AIG1: variants seen among roughly 807,000 people sequenced by gnomAD.
AIG1 encodes the protein androgen induced 1, also known as androgen-induced gene 1 protein.
Under a neutral mutation model 31.4 loss-of-function variants are expected in AIG1, and 23 were observed. The observed-to-expected ratio is 0.73, with a 90% CI of 0.53 to 1.04. The LOEUF is 1.04. Among genes scored for constraint, AIG1 ranks in the 50% least tolerant of loss-of-function variants. The pLI is 0.00. For synonymous variants in AIG1, 100 were observed against 110.5 expected (o/e 0.90, Z 0.60); for missense variants, 274 against 295.0 (o/e 0.93, Z 0.52).
intron 4 of AIG1, among the ~76,000 whole-genome samples, chr6:143,315,056 C>T (rs1023539165): frequency 6.6e-6 from 1 of 151,806 alleles, no homozygotes; most frequent in South Asian, 2.1e-4. Context: ...ATTCAGTGAC[C>T]GAGAATTACT....
intron 3 of AIG1, chr6:143,189,585 C>G (rs1789600128): frequency 2.0e-6 from 2 of 985,360 alleles, no homozygotes; most frequent in Non-Finnish European, 1.2e-6. Context: ...AAAGTTCTGA[C>G]AGGAAACTCA....
At chr6:143,180,498 T>A (rs1038571852) in intron 3 of AIG1, among the ~76,000 whole-genome samples, 7 of 152,132 alleles carry the variant, frequency 4.6e-5, no homozygotes, top group Non-Finnish European at 1.5e-5. Context: ...TTTAAAGCAT[T>A]GTCAGTGAAG....
intron 3 of AIG1, among the ~76,000 whole-genome samples, chr6:143,283,226 C>T (rs1191248227): frequency 6.6e-6 from 1 of 152,158 alleles, no homozygotes; most frequent in Non-Finnish European, 1.5e-5. Context: ...ATTTCATCTC[C>T]ATCCTGTTCC....
chr6:143,271,324 A>G (rs1583687470), intron 3 of AIG1, among the ~76,000 whole-genome samples: 1 of 152,238 alleles, frequency 6.6e-6, no homozygotes, highest in Admixed American at 6.5e-5. Context: ...ATGCCAGTCC[A>G]TGCTTGGCAA....
intron 1 of AIG1, among the ~76,000 whole-genome samples, chr6:143,100,185 A>G (rs1041874245): frequency 2.0e-5 from 3 of 152,140 alleles, no homozygotes; most frequent in African/African-American, 7.2e-5. Context: ...GGTACTTTCT[A>G]TTCTTCCAAT....
At chr6:143,203,460 G>T (rs1190151165) in intron 3 of AIG1, among the ~76,000 whole-genome samples, 1 of 152,140 alleles carries the variant, frequency 6.6e-6, no homozygotes, top group Non-Finnish European at 1.5e-5. Context: ...TTAATTTCAA[G>T]ATGCATGTAA....
chr6:143,226,248 T>TA (rs1393353463), intron 3 of AIG1, among the ~76,000 whole-genome samples: 26 of 118,680 alleles, frequency 2.2e-4, no homozygotes, highest in Non-Finnish European at 4.4e-4. Context: ...ATATATATAT[T>TA]TTTTTTTTTT....
chr6:143,071,634 T>C (rs1777266924), intron 1 of AIG1, among the ~76,000 whole-genome samples: 1 of 152,172 alleles, frequency 6.6e-6, no homozygotes, highest in Admixed American at 6.5e-5. Context: ...GCCATTTTAA[T>C]TGGTGTATAG....
At chr6:143,300,794 T>C (rs576367224) in intron 4 of AIG1, among the ~76,000 whole-genome samples, 8 of 152,314 alleles carry the variant, frequency 5.3e-5, no homozygotes, top group Non-Finnish European at 1.0e-4. Context: ...TTTTAAATTG[T>C]ATACTGTAAG....
chr6:143,106,477 A>G (rs1278294172), intron 1 of AIG1, among the ~76,000 whole-genome samples: 3 of 152,322 alleles, frequency 2.0e-5, no homozygotes, highest in Admixed American at 6.5e-5. Context: ...AGGGCACTCT[A>G]CATTCATTGA....
At chr6:143,113,154 G>A (rs1028345168) in intron 1 of AIG1, among the ~76,000 whole-genome samples, 1 of 150,652 alleles carries the variant, frequency 6.6e-6, no homozygotes, top group Non-Finnish European at 1.5e-5. Flanking sequence ...CGCCACTACT[G>A]CACTCCAGCC....
intron 2 of AIG1, among the ~76,000 whole-genome samples, chr6:143,143,647 C>T (rs1583311595): frequency 2.7e-5 from 4 of 146,202 alleles, no homozygotes; most frequent in African/African-American, 1.0e-4. Flanking sequence ...TAAGCCTTAA[C>T]TGATGTTTTA....
At chr6:143,143,462 C>T (rs1784402670) in intron 2 of AIG1, among the ~76,000 whole-genome samples, 1 of 127,922 alleles carries the variant, frequency 7.8e-6, no homozygotes. Flanking sequence ...GATCATGCCA[C>T]CACACTCCAG....
At chr6:143,309,775 G>T (rs1775118325) in intron 4 of AIG1, among the ~76,000 whole-genome samples, 1 of 151,864 alleles carries the variant, frequency 6.6e-6, no homozygotes, top group African/African-American at 2.4e-5. Flanking sequence ...TAAACATAAA[G>T]ACACAGCTGG....
intron 3 of AIG1, among the ~76,000 whole-genome samples, chr6:143,184,769 G>T (rs1789078903): frequency 6.6e-6 from 1 of 152,168 alleles, no homozygotes; most frequent in Non-Finnish European, 1.5e-5. Context: ...CCTTTCTCCA[G>T]ATCATGGAGA....
intron 1 of AIG1, among the ~76,000 whole-genome samples, chr6:143,133,847 C>T (rs543579082): frequency 1.3e-5 from 2 of 152,144 alleles, no homozygotes; most frequent in Admixed American, 1.3e-4. Flanking sequence ...CCTTGCTTTC[C>T]AGGCTGCATA....
At chr6:143,061,087 T>A (rs753477385) in intron 1 of AIG1, 21 bp downstream of exon 1, 1 of 1,607,200 alleles carries the variant, frequency 6.2e-7, no homozygotes. Flanking sequence ...CCCCTCCCCC[T>A]GCTCGCCCCG....
At chr6:143,305,578 T>C (rs2128702300) in intron 4 of AIG1, among the ~76,000 whole-genome samples, 1 of 152,378 alleles carries the variant, frequency 6.6e-6, no homozygotes, top group African/African-American at 2.4e-5. Context: ...GATTGCACTG[T>C]GGTCTGAGAG....
intron 1 of AIG1, among the ~76,000 whole-genome samples, chr6:143,087,652 T>A (rs1778923823): frequency 6.6e-6 from 1 of 151,972 alleles, no homozygotes; most frequent in Non-Finnish European, 1.5e-5. Flanking sequence ...AGTTGCAAGA[T>A]TTAATAGAGT....
Sources: gnomAD v4.1 joint callset for allele counts (sites outside exome capture counted in the v4.1 genomes callset) on GRCh38, gnomAD v4.1.1 for gene constraint, MANE v1.5 for transcripts, NCBI Gene and HGNC (gene_info 2026-07-23, HGNC 2026-07-21) for gene names.